The following PPRC1 variants were observed in gnomAD, a reference collection of about 807,000 sequenced individuals.
The protein encoded by PPRC1 is peroxisome proliferator-activated receptor gamma coactivator-related protein 1.
Under a neutral mutation model 132.5 loss-of-function variants are expected in PPRC1, and 23 were observed. The observed-to-expected ratio is 0.17, with a 90% CI of 0.12 to 0.25. PPRC1 has a LOEUF of 0.25. PPRC1 is among the 10% of genes least tolerant of loss of function. PPRC1 has a pLI of 1.00. For synonymous variants in PPRC1, 872 were observed against 833.5 expected (o/e 1.05, Z -0.80); for missense variants, 2,006 against 2,089.1 (o/e 0.96, Z 0.78).
At chr10:102,135,244 C>T (rs1435604133) in intron 1 of PPRC1, among the ~76,000 whole-genome samples, 1 of 152,060 alleles carries the variant, frequency 6.6e-6, no homozygotes, top group Non-Finnish European at 1.5e-5. Context: ...AAAGTGAAGC[C>T]CTCAAGGAGG....
At chr10:102,120,508 G>A in the PPRC1 span, 3 of 439,756 alleles carry the variant, frequency 6.8e-6, no homozygotes, top group Non-Finnish European at 9.1e-6. Flanking sequence ...GGGCAGGGCC[G>A]GGCTTTATTA....
At chr10:102,144,187 C>G in intron 6 of PPRC1, 63 bp from the exon 7 acceptor site, 2 of 1,543,316 alleles carry the variant, frequency 1.3e-6, no homozygotes, top group Non-Finnish European at 1.8e-6. Context: ...AAAGCAAGCC[C>G]TTCTGTGCCG....
rs1274857533 is a variant in PPRC1, at chr10:102,138,773, TG to T, written c.489+11del. 2 of 1,614,030 alleles carry T rather than the reference TG, an allele frequency of 1.2e-6. No homozygotes were observed. Among genetic ancestry groups the T allele is most frequent in the Non-Finnish European group, 1.7e-6 (2 of 1,180,002 alleles). Reference sequence around the variant, plus strand: ...CCCCGGGAGGGCTCCTCTGTGAGTGTGGGACCAGGGGAAGGGGATTAGTACA... The same window carrying T: ...CCCCGGGAGGGCTCCTCTGTGAGTGTGGACCAGGGGAAGGGGATTAGTACA... On this transcript the variant is annotated intron_variant, in intron 3 of 13. Coordinates refer to ENST00000278070, the MANE Select transcript of PPRC1 (RefSeq NM_015062.5).
At chr10:102,145,756 T>C (rs576082014) in intron 8 of PPRC1, among the ~76,000 whole-genome samples, 1 of 151,650 alleles carries the variant, frequency 6.6e-6, no homozygotes, top group African/African-American at 2.4e-5. Context: ...TCCCAGCTAC[T>C]TGGGAGGCTG....
In PPRC1 at chr10:102,139,490, G is replaced by C. The variant is rs765794174; in HGVS notation, c.982G>C (p.Asp328His). The change falls in exon 5 of 14, where the codon GAT (aspartate) becomes CAT (histidine). Residue 328 changes from aspartate to histidine, a missense_variant. This residue lies in a region of PPRC1 where 1,914 missense variants were observed against 1,917.2 expected (regional missense o/e 1.00). Coordinates refer to ENST00000278070, the MANE Select transcript of PPRC1 (RefSeq NM_015062.5). ...CCTCACCCACCTGGCATCACTTGAG[G>C]ATGAGCTTCAGGAGCAGCCAGATGA... ...PNLTHLASLE[D>H]ELQEQPDDLT... 1.2e-6 allele frequency: 2 copies of C among 1,614,112 alleles called. No individual in the cohort carries two copies. Among genetic ancestry groups the C allele is most frequent in the East Asian group, 2.2e-5 (1 of 44,882 alleles).
chr10:102,144,529 CGGG>C lies in PPRC1; in HGVS notation c.3608+223_3608+225del. The C allele has an allele frequency of 6.9e-6, 4 of 580,496 alleles. No individual in the cohort carries two copies. In the South Asian group the frequency reaches 8.3e-5, roughly 12 times the overall value. The allele number at this position is 580,496 out of a possible 1,614,324, so 36.0% of individuals were successfully genotyped here. The stretch of plus-strand genomic sequence containing the variant: ...TCACTGCCCTCCAGCTGATTCCAGT[CGGG>C]CTCCAAATGTCCTAGAGGTGCCTTT... On this transcript the variant is annotated intron_variant, in intron 7 of 13. Transcript: ENST00000278070.
rs2069303342 is a variant in PPRC1 at position 102,147,296 on chromosome 10, A to G, written c.4304A>G (p.Asn1435Ser). ...RNSRSVSSGS[N>S]RTSEASSSSS... ...AGCCGTTCTGTCAGCTCTGGGTCCA[A>G]CCGGACTAGCGAAGCATCTTCCTCA... The change falls in exon 9 of 14, where the codon AAC becomes AGC. Residue 1435 changes from asparagine (N) to serine (S), a missense_variant. Transcript: ENST00000278070. 13 of 1,612,696 alleles carry G rather than the reference A, an allele frequency of 8.1e-6. No individual in the cohort carries two copies. The highest frequency in any genetic ancestry group is 1.1e-5 in the Non-Finnish European group (13 of 1,179,998).
rs770010406 is a variant in PPRC1 at position 102,141,354 on chromosome 10, C to T, written c.2846C>T (p.Thr949Ile). 1.9e-6 allele frequency: 3 copies of T among 1,614,140 alleles called. No individual in the cohort carries two copies. Among genetic ancestry groups the T allele is most frequent in the Non-Finnish European group, 2.5e-6 (3 of 1,180,004 alleles). The part of the protein sequence containing the change: ...PPPTVPLVSG[T>I]PGAYAVPPTC... The stretch of plus-strand genomic sequence containing the variant: ...CCAACGGTGCCCCTAGTGTCTGGTA[C>T]TCCTGGTGCCTATGCCGTGCCTCCC... The change falls in exon 5 of 14, where the codon ACT becomes ATT. Residue 949 changes from threonine (T) to isoleucine (I), a missense_variant. Thr to Ile is a moderately conservative substitution (Grantham distance 89, BLOSUM62 -1). This residue lies in a region of PPRC1 where 1,914 missense variants were observed against 1,917.2 expected (regional missense o/e 1.00). Transcript: ENST00000278070.
chr10:102,127,019 T>C, the PPRC1 span, among the ~76,000 whole-genome samples: 41 of 78,892 alleles, frequency 5.2e-4, 1 homozygote, highest in East Asian at 6.1e-3. Flanking sequence ...TGGTTTTTTA[T>C]CATATATATA....
chr10:102,147,454 A>C (rs2069314335), intron 9 of PPRC1, 62 bp downstream of exon 9: 1 of 1,505,860 alleles, frequency 6.6e-7, no homozygotes, highest in Non-Finnish European at 8.9e-7. Flanking sequence ...TCTGTGGTTT[A>C]CTTTGAAAGC....
Position 102,139,177 on chromosome 10 carries a change from T to A in PPRC1, c.669T>A (p.Pro223=). The A allele has an allele frequency of 2.5e-6, 4 of 1,613,924 alleles. No individual in the cohort carries two copies. Among genetic ancestry groups the A allele is most frequent in the Non-Finnish European group, 3.4e-6 (4 of 1,179,862 alleles). ...TAGAGACCTCTTCCCCCAAGCTTCC[T>A]AGCTGGAGACCCCCAAGATCAAGAC... ...SFLETSSPKL[P]SWRPPRSRPR... is the part of the protein sequence containing the mutation. The change falls in exon 5 of 14, where the codon CCT becomes CCA. Residue 223 remains proline, a synonymous_variant. Coordinates refer to ENST00000278070, the MANE Select transcript of PPRC1 (RefSeq NM_015062.5).
At chr10:102,137,037 G>A (rs1249219142) in intron 1 of PPRC1, among the ~76,000 whole-genome samples, 1 of 152,116 alleles carries the variant, frequency 6.6e-6, no homozygotes, top group East Asian at 1.9e-4. Context: ...TCTCACTGTT[G>A]GGCCTTCAAA....
At chr10:102,126,514 G>A in the PPRC1 span, among the ~76,000 whole-genome samples, 30 of 148,906 alleles carry the variant, frequency 2.0e-4, no homozygotes, top group East Asian at 3.6e-3. Flanking sequence ...GTTGGAGTGC[G>A]GTGGTGCGAT....
chr10:102,133,110 C>G lies in PPRC1; in HGVS notation c.42C>G (p.Pro14=), dbSNP rs1240967500. The change falls in exon 1 of 14, where the codon CCC becomes CCG. Residue 14 remains proline (P), a synonymous_variant. Coordinates refer to ENST00000278070, the MANE Select transcript of PPRC1 (RefSeq NM_015062.5). ...GACGGAGAGACGGAGTCGCGCCGCCCCCGAGTGGGGGCCCCGGTCCGGACC... is the reference window on the plus strand; with the variant it reads ...GACGGAGAGACGGAGTCGCGCCGCCGCCGAGTGGGGGCCCCGGTCCGGACC... ...RRGRRDGVAP[P]PSGGPGPDPG... is the part of the protein sequence containing the mutation. 10 of 1,245,448 alleles carry G rather than the reference C, an allele frequency of 8.0e-6. 1 individual carries two copies. Among genetic ancestry groups the G allele is most frequent in the Middle Eastern group, 2.8e-4 (1 of 3,596 alleles). The allele number at this position is 1,245,448 out of a possible 1,614,324, so 77.1% of individuals were successfully genotyped here.
At chr10:102,129,976 C>T (rs149038927), upstream of PPRC1, among the ~76,000 whole-genome samples, 143 of 152,320 alleles carry the variant, frequency 9.4e-4, no homozygotes, top group Admixed American at 2.7e-3. Flanking sequence ...TTGCTGGCTG[C>T]TCATAGGCAA....
At chr10:102,126,171 T>C in the PPRC1 span, among the ~76,000 whole-genome samples, 1 of 152,154 alleles carries the variant, frequency 6.6e-6, no homozygotes, top group Admixed American at 6.5e-5. Flanking sequence ...TTGGCATCAC[T>C]CTGTCTTTCA....
rs1381507780 is a variant in PPRC1, at chr10:102,141,375, C to T, written c.2867C>T (p.Pro956Leu). ...GGTACTCCTGGTGCCTATGCCGTGCCTCCCACTTGCAGTGTGCCTTGGGCA... is the reference window on the plus strand; with the variant it reads ...GGTACTCCTGGTGCCTATGCCGTGCTTCCCACTTGCAGTGTGCCTTGGGCA... The part of the protein sequence containing the change: ...VSGTPGAYAV[P>L]PTCSVPWAPP... The change falls in exon 5 of 14, where the codon CCT becomes CTT. Residue 956 changes from proline (P) to leucine (L), a missense_variant. Coordinates refer to ENST00000278070, the MANE Select transcript of PPRC1 (RefSeq NM_015062.5). 1 of 1,614,132 alleles carries T rather than the reference C, an allele frequency of 6.2e-7. No individual in the cohort carries two copies. The highest frequency in any genetic ancestry group is 8.5e-7 in the Non-Finnish European group (1 of 1,180,026).
intron 7 of PPRC1, 84 bp downstream of exon 7, chr10:102,144,391 C>G (rs1054270719): frequency 7.5e-7 from 1 of 1,327,938 alleles, no homozygotes; most frequent in African/African-American, 1.4e-5. Flanking sequence ...CTGGATGCCT[C>G]TGTTGCAGGG....
At chr10:102,128,609 CT>C (rs544861268), upstream of PPRC1, among the ~76,000 whole-genome samples, 390 of 142,844 alleles carry the variant, frequency 2.7e-3, no homozygotes, top group South Asian at 7.4e-3. Flanking sequence ...CAGCTGCAGT[CT>C]TTTTTTTTTT....
Sources: gnomAD v4.1 joint callset for allele counts (sites outside exome capture counted in the v4.1 genomes callset) on GRCh38, gnomAD v4.1.1 for gene constraint, gnomAD v4.1.1 regional missense constraint, MANE v1.5 for transcripts, NCBI Gene and HGNC (gene_info 2026-07-23, HGNC 2026-07-21) for gene names.